Variants in JAK2 observed in about 807,000 individuals in gnomAD.
JAK2 encodes the protein Janus kinase 2.
In JAK2, 86 loss-of-function variants were observed where a neutral mutation model predicts 139.3. The observed-to-expected ratio is 0.62, with a 90% CI of 0.52 to 0.74. JAK2 has a LOEUF of 0.74. Among genes scored for constraint, JAK2 ranks in the 30% least tolerant of loss-of-function variants. JAK2 has a pLI of 0.00. For missense variants in JAK2, 1,421 were observed against 1,360.3 expected (o/e 1.04, Z -0.70); for synonymous variants, 490 against 437.7 (o/e 1.12, Z -1.49).
At chr9:5,016,381 A>T (rs1198358482) in intron 2 of JAK2, among the ~76,000 whole-genome samples, 1 of 152,148 alleles carries the variant, frequency 6.6e-6, no homozygotes, top group African/African-American at 2.4e-5. Context: ...ATGAGGAGGG[A>T]CACCACAGAC....
chr9:5,070,452 C>G (rs1040773204), intron 12 of JAK2, among the ~76,000 whole-genome samples: 3 of 152,032 alleles, frequency 2.0e-5, no homozygotes, highest in Admixed American at 1.3e-4. Context: ...TCCAGGACTA[C>G]CCATGGATAC....
rs187658451 is a variant in JAK2 at position 5,127,900 on chromosome 9, A to C, written c.*1109A>C. 4.3e-6 allele frequency: 1 copy of C among 232,532 alleles called. No individual in the cohort carries two copies. Among genetic ancestry groups the C allele is most frequent in the African/African-American group, 2.2e-5 (1 of 45,394 alleles). The allele number at this position is 232,532 out of a possible 1,614,324, so 14.4% of individuals were successfully genotyped here. A position where few individuals can be genotyped will look rare whatever the true frequency, so the allele number is the denominator to read the frequency against. ...GGGGAAATGAGGTAAATAAGTAAAA[A>C]AGTATGCTTGTTAATTTTATTCAAG... On this transcript the variant is annotated 3_prime_UTR_variant, in exon 25 of 25. Transcript: ENST00000381652.
intron 22 of JAK2, among the ~76,000 whole-genome samples, chr9:5,115,053 G>C (rs527765825): frequency 6.6e-6 from 1 of 152,276 alleles, no homozygotes; most frequent in Non-Finnish European, 1.5e-5. Flanking sequence ...GGCAACAAAA[G>C]CCAAAATAGA....
At chr9:5,074,728 C>T (rs1819197679) in intron 14 of JAK2, among the ~76,000 whole-genome samples, 1 of 152,166 alleles carries the variant, frequency 6.6e-6, no homozygotes, top group African/African-American at 2.4e-5. Flanking sequence ...AAGGAAGATT[C>T]ACCCGTCTCT....
At chr9:5,024,970 GTGGGCAGGACA>G (rs1822688414) in intron 3 of JAK2, among the ~76,000 whole-genome samples, 1 of 152,212 alleles carries the variant, frequency 6.6e-6, no homozygotes. Flanking sequence ...GCCGGGGCTG[GTGGGCAGGACA>G]TGGGCGTAGT....
At chr9:5,016,100 C>T (rs1041246822) in intron 2 of JAK2, among the ~76,000 whole-genome samples, 3 of 150,150 alleles carry the variant, frequency 2.0e-5, no homozygotes, top group Admixed American at 6.6e-5. Flanking sequence ...TGCCAGCCGT[C>T]GCTTCCCTCC....
chr9:5,003,288 A>G (rs928278326), intron 2 of JAK2, among the ~76,000 whole-genome samples: 2 of 152,024 alleles, frequency 1.3e-5, no homozygotes, highest in African/African-American at 2.4e-5. Context: ...GGTTGAATCT[A>G]TAGATTAATT....
chr9:5,023,601 T>C (rs1037398698), intron 3 of JAK2, among the ~76,000 whole-genome samples: 1 of 152,224 alleles, frequency 6.6e-6, no homozygotes, highest in Non-Finnish European at 1.5e-5. Flanking sequence ...ATTGGGCATC[T>C]CTAACTTAAC....
chr9:5,081,617 T>C lies in JAK2; in HGVS notation c.2435-108T>C, dbSNP rs181374296. ...AAACTATTTGAGTTTCCCTGTATCATTTAGTATTTTTAACTCACGATTATT... is the reference window on the plus strand; with the variant it reads ...AAACTATTTGAGTTTCCCTGTATCACTTAGTATTTTTAACTCACGATTATT... On this transcript the variant is annotated intron_variant, in intron 18 of 24. Transcript: ENST00000381652. 41 of 694,714 alleles carry C rather than the reference T, an allele frequency of 5.9e-5. No homozygotes were observed. The African/African-American group carries it at 6.3e-4, about 11-fold the overall frequency. The allele number at this position is 694,714 out of a possible 1,614,324, so 43.0% of individuals were successfully genotyped here.
intron 8 of JAK2, among the ~76,000 whole-genome samples, chr9:5,057,617 C>T (rs1817860093): frequency 7.2e-6 from 1 of 139,714 alleles, no homozygotes; most frequent in African/African-American, 2.7e-5. Context: ...GAGTCTTGCC[C>T]TGTCATCCAG....
At chr9:5,113,445 A>G (rs968098044) in intron 22 of JAK2, 4 of 127,680 alleles carry the variant, frequency 3.1e-5, no homozygotes, top group Non-Finnish European at 5.3e-5. Context: ...AAAAAAAAAA[A>G]AAAACCCGGA....
chr9:5,008,181 A>G (rs1210117256), intron 2 of JAK2, among the ~76,000 whole-genome samples: 1 of 152,218 alleles, frequency 6.6e-6, no homozygotes, highest in Non-Finnish European at 1.5e-5. Context: ...GTCTATACAT[A>G]AAGTCAATAT....
intron 3 of JAK2, among the ~76,000 whole-genome samples, chr9:5,026,668 T>C (rs1311976977): frequency 6.6e-6 from 1 of 152,232 alleles, no homozygotes; most frequent in Non-Finnish European, 1.5e-5. Flanking sequence ...GTGGAACTTC[T>C]AAAGACTTGT....
upstream of JAK2, chr9:4,985,113 A>G (rs1222206570): frequency 1.3e-5 from 2 of 152,262 alleles, no homozygotes; most frequent in African/African-American, 4.8e-5. Context: ...GCCAACCGGG[A>G]GGCTGAGTTC....
rs1284540198 is a variant in JAK2, at chr9:5,128,112, GTGTGTGTGT to G, written c.*1323_*1331del. 1 of 231,272 alleles carries G rather than the reference GTGTGTGTGT, an allele frequency of 4.3e-6. No homozygotes were observed. Among genetic ancestry groups the G allele is most frequent in the East Asian group, 6.0e-5 (1 of 16,592 alleles). The allele number at this position is 231,272 out of a possible 1,614,324, so 14.3% of individuals were successfully genotyped here. ...TGTGTGTGTGTGTGTGTGTGTGTGT[GTGTGTGTGT>G]TATTTATACAAAACTTAAAATACTT... is the stretch of plus-strand genomic sequence containing the variant. On this transcript the variant is annotated 3_prime_UTR_variant, in exon 25 of 25. Coordinates refer to ENST00000381652, the MANE Select transcript of JAK2 (RefSeq NM_004972.4).
rs142829702 is a variant in JAK2 at position 5,105,502 on chromosome 9, T to C, written c.3059+14591T>C. ...TGGCGATACTGCCCAAAGTAATTTA[T>C]AGATTCAATGCCATCCCCATCAAGC... On this transcript the variant is annotated intron_variant, in intron 22 of 24. Coordinates refer to ENST00000381652, the MANE Select transcript of JAK2 (RefSeq NM_004972.4). Among the ~76,000 whole-genome samples, 105 of 152,320 alleles carry C rather than the reference T, an allele frequency of 6.9e-4. 2 individuals carry two copies. In the East Asian group the frequency reaches 0.018, roughly 26 times the overall value.
intron 22 of JAK2, chr9:5,097,205 C>T (rs917271443): frequency 6.6e-6 from 1 of 152,160 alleles, no homozygotes; most frequent in African/African-American, 2.4e-5. Flanking sequence ...ATCAAACACC[C>T]CTTTTCGTCC....
chr9:5,042,380 A>G (rs544439303), intron 4 of JAK2, among the ~76,000 whole-genome samples: 301 of 143,904 alleles, frequency 2.1e-3, no homozygotes, highest in Non-Finnish European at 2.8e-3. Flanking sequence ...CTCATGATCC[A>G]CCCGCCTCGG....
chr9:5,100,688 G>C (rs1821405661), intron 22 of JAK2: 1 of 152,178 alleles, frequency 6.6e-6, no homozygotes, highest in East Asian at 1.9e-4. Flanking sequence ...ATCACAGCCT[G>C]ATAGAAGGAA....
Sources: gnomAD v4.1 joint callset for allele counts (sites outside exome capture counted in the v4.1 genomes callset) on GRCh38, gnomAD v4.1.1 for gene constraint, MANE v1.5 for transcripts, NCBI Gene and HGNC (gene_info 2026-07-23, HGNC 2026-07-21) for gene names.